The following SLC22A5 variants were observed in gnomAD, a reference collection of about 807,000 sequenced individuals.
SLC22A5 encodes solute carrier family 22 member 5.
SLC22A5 carries 44 observed loss-of-function variants against 56.7 expected under a neutral mutation model. The ratio of observed to expected loss-of-function variants is 0.78; its 90% confidence interval spans 0.61 to 1.00. The LOEUF (loss-of-function observed/expected upper bound fraction) is 1.00, where lower values mean the gene tolerates loss of function less well. Ranked by LOEUF, SLC22A5 falls within the 50% of genes least tolerant of loss-of-function variation. The pLI is 0.00. For missense variants in SLC22A5, 675 were observed against 723.0 expected, an observed-to-expected ratio of 0.93 and a Z score of 0.76; for synonymous variants, 278 against 292.1, an observed-to-expected ratio of 0.95 and a Z score of 0.49.
chr5:132,369,860 T>G lies in SLC22A5; in HGVS notation c.-113T>G. Reference sequence around the variant, plus strand: ...CGAGCCTACCCTCCGCGGACGGTCTTGGGTCGCCTGCTGCCTGGCTTGCCT... The same window carrying G: ...CGAGCCTACCCTCCGCGGACGGTCTGGGGTCGCCTGCTGCCTGGCTTGCCT... On this transcript the variant is annotated 5_prime_UTR_variant, in exon 1 of 10. Coordinates refer to ENST00000245407, the MANE Select transcript of SLC22A5 (RefSeq NM_003060.4). The G allele has an allele frequency of 7.0e-7, 1 of 1,425,700 alleles. No homozygotes were observed. Among genetic ancestry groups the G allele is most frequent in the Non-Finnish European group, 9.4e-7 (1 of 1,064,288 alleles). The allele number at this position is 1,425,700 out of a possible 1,614,324, so 88.3% of individuals were successfully genotyped here. A position where few individuals can be genotyped will look rare whatever the true frequency, so the allele number is the denominator to read the frequency against.
At chr5:132,370,455 C>G (rs1580868625) in intron 1 of SLC22A5, 90 bp downstream of exon 1, 1 of 1,389,318 alleles carries the variant, frequency 7.2e-7, no homozygotes, top group East Asian at 2.4e-5. Context: ...CAGATGCGCA[C>G]TGGACGCTGT....
chr5:132,393,983 G>C (rs1185264617), intron 9 of SLC22A5, among the ~76,000 whole-genome samples, 172 bp downstream of exon 9: 1 of 152,148 alleles, frequency 6.6e-6, no homozygotes. Flanking sequence ...CATCCTCTCT[G>C]GTCTGTTCCT....
chr5:132,378,173 G>A, intron 1 of SLC22A5: 1 of 1,585,768 alleles, frequency 6.3e-7, no homozygotes, highest in South Asian at 1.1e-5. Context: ...GCAAGACAGT[G>A]GGGCCTACAA....
chr5:132,383,438 G>A (rs71583484), intron 2 of SLC22A5: 12,252 of 153,464 alleles, frequency 0.08, 611 homozygotes, highest in East Asian at 0.28. Context: ...TGATGATGCA[G>A]TTCAGCACAT....
chr5:132,391,039 A>G (rs1276554833), intron 7 of SLC22A5, 135 bp downstream of exon 7: 13 of 758,460 alleles, frequency 1.7e-5, no homozygotes, highest in East Asian at 1.3e-4. Flanking sequence ...TGGCCTAAAA[A>G]TCAATAGAAA....
chr5:132,388,865 GCT>G (rs1451774793), intron 5 of SLC22A5, 54 bp from the exon 6 acceptor site: 1 of 1,085,590 alleles, frequency 9.2e-7, no homozygotes, highest in Non-Finnish European at 1.4e-6. Context: ...GTTATTGTGT[GCT>G]CTGAGTCTCT....
At chr5:132,383,598 T>C (rs562122329) in intron 2 of SLC22A5, 23 of 173,882 alleles carry the variant, frequency 1.3e-4, no homozygotes, top group Non-Finnish European at 2.5e-4. Context: ...AATTAGTATA[T>C]AATGCATAGA....
rs1450996221 is a variant in SLC22A5 at position 132,390,786 on chromosome 5, A to G, written c.1149A>G (p.Glu383=). 1 of 1,614,244 alleles carries G rather than the reference A, an allele frequency of 6.2e-7. No homozygotes were observed. The highest frequency in any genetic ancestry group is 1.7e-5 in the Admixed American group (1 of 60,032). Residue 383 remains glutamate (E), a synonymous_variant, in exon 7 of 10, where the codon GAA becomes GAG. Coordinates refer to ENST00000245407, the MANE Select transcript of SLC22A5 (RefSeq NM_003060.4). ...ACTGCTTCCTTTCAGCGATGGTTGAAGTCCCAGCATATGTGTTGGCCTGGC... is the reference window on the plus strand; with the variant it reads ...ACTGCTTCCTTTCAGCGATGGTTGAGGTCCCAGCATATGTGTTGGCCTGGC... ...FVNCFLSAMV[E]VPAYVLAWLL...
chr5:132,381,036 G>A (rs1333925489), intron 2 of SLC22A5: 4 of 152,172 alleles, frequency 2.6e-5, no homozygotes, highest in African/African-American at 9.7e-5. Flanking sequence ...GACAGCTGCG[G>A]CTCAGAAGAA....
intron 6 of SLC22A5, 107 bp from the exon 7 acceptor site, chr5:132,390,583 C>A (rs1752662326): frequency 1.2e-6 from 1 of 842,072 alleles, no homozygotes; most frequent in Non-Finnish European, 2.1e-6. Flanking sequence ...CTAGTCTCTG[C>A]TTAAAGATGG....
intron 6 of SLC22A5, chr5:132,389,273 C>T: frequency 2.2e-6 from 1 of 455,388 alleles, no homozygotes; most frequent in Non-Finnish European, 4.1e-6. Flanking sequence ...GGAATCTCTC[C>T]AGATCTTAAG....
rs1337429174 is a variant in SLC22A5, at chr5:132,370,254, G to T, written c.282G>T (p.Ala94=). 6.3e-7 allele frequency: 1 copy of T among 1,582,212 alleles called. No homozygotes were observed. Among genetic ancestry groups the T allele is most frequent in the African/African-American group, 1.3e-5 (1 of 74,218 alleles). ...YRLATIANFS[A]LGLEPGRDVD... is the part of the protein sequence containing the mutation. ...TCGCCACCATCGCCAACTTCTCGGC[G>T]CTTGGGCTGGAGCCGGGGCGCGACG... The change falls in exon 1 of 10, where the codon GCG becomes GCT. Residue 94 remains alanine (A), a synonymous_variant. Transcript: ENST00000245407.
At chr5:132,373,375 G>A (rs984948035) in intron 1 of SLC22A5, among the ~76,000 whole-genome samples, 9 of 152,308 alleles carry the variant, frequency 5.9e-5, no homozygotes, top group South Asian at 4.1e-4. Context: ...GGTGGCTCAC[G>A]CCTGTAATCC....
chr5:132,388,491 C>A (rs1355685444), intron 5 of SLC22A5, among the ~76,000 whole-genome samples: 1 of 152,144 alleles, frequency 6.6e-6, no homozygotes, highest in Non-Finnish European at 1.5e-5. Context: ...AGTATAAGGA[C>A]TCAAAACATT....
intron 1 of SLC22A5, among the ~76,000 whole-genome samples, chr5:132,373,874 G>A (rs901625643): frequency 2.6e-5 from 4 of 151,944 alleles, no homozygotes; most frequent in East Asian, 1.9e-4. Context: ...TGGGCTGTCC[G>A]CTCTTTGGTT....
chr5:132,388,205 T>C (rs879514850), intron 5 of SLC22A5, among the ~76,000 whole-genome samples: 2 of 152,142 alleles, frequency 1.3e-5, no homozygotes, highest in African/African-American at 4.8e-5. Flanking sequence ...TCTGGGTGAA[T>C]GCATAAGCCC....
chr5:132,383,758 T>C (rs274560), intron 2 of SLC22A5: 102,957 of 259,206 alleles, frequency 0.4, 22,203 homozygotes, highest in East Asian at 0.64. Flanking sequence ...AGGACAAATG[T>C]TTCTTTCTCT....
At chr5:132,387,726 A>C (rs1752581459) in intron 5 of SLC22A5, 6 of 170,096 alleles carry the variant, frequency 3.5e-5, no homozygotes, top group Non-Finnish European at 5.1e-5. Flanking sequence ...CCCCTACCCC[A>C]CCCCTCCCGT....
At chr5:132,383,151 C>T (rs1752403881) in intron 2 of SLC22A5, 1 of 152,344 alleles carries the variant, frequency 6.6e-6, no homozygotes, top group Non-Finnish European at 1.5e-5. Context: ...TCCATGTGCC[C>T]CATCCCAATT....
Sources: allele counts gnomAD v4.1 joint callset (sites outside exome capture counted in the v4.1 genomes callset), GRCh38; gene constraint gnomAD v4.1.1; transcripts MANE v1.5; gene names NCBI Gene and HGNC (gene_info 2026-07-23, HGNC 2026-07-21).